The following INSYN2A variants were observed in gnomAD, a reference collection of about 807,000 sequenced individuals.
INSYN2A encodes inhibitory synaptic factor 2A.
In INSYN2A, 17 loss-of-function variants were observed where a neutral mutation model predicts 39.4. The observed-to-expected ratio is 0.43, with a 90% CI of 0.30 to 0.65. The LOEUF is 0.65. Among genes scored for constraint, INSYN2A ranks in the 30% least tolerant of loss-of-function variants. INSYN2A has a pLI of 0.14. For synonymous variants in INSYN2A, 255 were observed against 265.7 expected (o/e 0.96, Z 0.39); for missense variants, 595 against 631.2 (o/e 0.94, Z 0.61).
rs1289297939 is a variant in INSYN2A, at chr10:127,175,448, G to A, written c.948C>T (p.Pro316=). 2.5e-6 allele frequency: 4 copies of A among 1,611,692 alleles called. No homozygotes were observed. Among genetic ancestry groups the A allele is most frequent in the Middle Eastern group, 1.6e-4 (1 of 6,062 alleles). ...TCTGCGACGGCTGCTCACTACATTC[G>A]GGGGACAGGCACTGCATCGGGGGTG... The part of the protein sequence containing the change: ...ACSPPMQCLS[P]ECSEQPSQTH... The change falls in exon 4 of 6, where the codon CCC becomes CCT. Residue 316 remains proline, a synonymous_variant. Coordinates refer to ENST00000522781, the MANE Select transcript of INSYN2A (RefSeq NM_001039762.3). This position sits in a 1 kb window ranked among gnomAD's most constrained non-coding sequence, Gnocchi z 6.3.
At chr10:127,190,057 A>G (rs760177566) in intron 2 of INSYN2A, among the ~76,000 whole-genome samples, 1 of 152,210 alleles carries the variant, frequency 6.6e-6, no homozygotes, top group Non-Finnish European at 1.5e-5. Flanking sequence ...TTTGGGTTAT[A>G]AGAACATTAA....
chr10:127,140,330 C>T (rs1369829490), intron 5 of INSYN2A, among the ~76,000 whole-genome samples: 1 of 152,124 alleles, frequency 6.6e-6, no homozygotes, highest in Admixed American at 6.5e-5. Context: ...GTTTGCACTC[C>T]CCATTATGCT....
At chr10:127,152,788 G>C (rs1182994968) in intron 5 of INSYN2A, among the ~76,000 whole-genome samples, 1 of 152,174 alleles carries the variant, frequency 6.6e-6, no homozygotes, top group Non-Finnish European at 1.5e-5. Flanking sequence ...TGTGGCCTTC[G>C]GTGCCTATCT....
intron 5 of INSYN2A, among the ~76,000 whole-genome samples, chr10:127,150,278 G>T (rs995366470): frequency 6.6e-6 from 1 of 152,146 alleles, no homozygotes; most frequent in Non-Finnish European, 1.5e-5. Flanking sequence ...ACATTTGGGG[G>T]TGACTCACAG....
intron 4 of INSYN2A, 58 bp from the exon 5 acceptor site, chr10:127,153,981 A>T: frequency 2.4e-6 from 3 of 1,250,980 alleles, no homozygotes; most frequent in Non-Finnish European, 3.5e-6. Context: ...CTGGCTTTAT[A>T]GAGCAGATGC....
At chr10:127,140,965 T>A (rs2051183783) in intron 5 of INSYN2A, among the ~76,000 whole-genome samples, 1 of 152,196 alleles carries the variant, frequency 6.6e-6, no homozygotes, top group Admixed American at 6.5e-5. Flanking sequence ...TGGCTCTTGC[T>A]TCAGCTTCCC....
At chr10:127,144,635 A>G (rs781677620) in intron 5 of INSYN2A, among the ~76,000 whole-genome samples, 13 of 152,232 alleles carry the variant, frequency 8.5e-5, no homozygotes, top group Non-Finnish European at 1.6e-4. Flanking sequence ...TATTCTGTCT[A>G]TAGAATTTGT....
chr10:127,149,270 GC>G (rs2052228794), intron 5 of INSYN2A, among the ~76,000 whole-genome samples: 1 of 152,054 alleles, frequency 6.6e-6, no homozygotes, highest in African/African-American at 2.4e-5. Context: ...AAGAGAGAGG[GC>G]AGAGAAGCTC....
intron 2 of INSYN2A, among the ~76,000 whole-genome samples, chr10:127,186,504 A>C (rs1298817912): frequency 1.7e-3 from 15 of 9,010 alleles, no homozygotes; most frequent in South Asian, 6.0e-3. Flanking sequence ...CATGGGAGAA[A>C]CCGCCCCCCC....
chr10:127,182,204 G>A (rs2133977624), intron 2 of INSYN2A, among the ~76,000 whole-genome samples: 1 of 152,294 alleles, frequency 6.6e-6, no homozygotes, highest in East Asian at 1.9e-4. Flanking sequence ...GGGAAAAGGG[G>A]CACTCACAGA....
At chr10:127,151,288 C>T (rs2052462011) in intron 5 of INSYN2A, among the ~76,000 whole-genome samples, 1 of 152,126 alleles carries the variant, frequency 6.6e-6, no homozygotes, top group Admixed American at 6.6e-5. Context: ...TCTTGAGTTT[C>T]ACACTAGTTT....
intron 5 of INSYN2A, among the ~76,000 whole-genome samples, chr10:127,141,871 A>G (rs1170071454): frequency 3.9e-5 from 6 of 152,156 alleles, no homozygotes; most frequent in African/African-American, 1.2e-4. Flanking sequence ...GCCTGGTTCT[A>G]TTCTATCAGA....
In INSYN2A at chr10:127,135,678, AG is replaced by A. The variant is rs1751943559; in HGVS notation, c.*2158del. The A allele has an allele frequency of 2.0e-5, 3 of 152,630 alleles. No homozygotes were observed. The highest frequency in any genetic ancestry group is 7.2e-5 in the African/African-American group (3 of 41,456). 9.5% of individuals were successfully genotyped at this position (152,630 alleles called of 1,614,324 possible). On this transcript the variant is annotated 3_prime_UTR_variant, in exon 6 of 6. Coordinates refer to ENST00000522781, the MANE Select transcript of INSYN2A (RefSeq NM_001039762.3). ...CTATTTTGAACACACTTTAATTTTT[AG>A]GGATGAATTAATTTATCTTCAGAAG...
Position 127,176,031 on chromosome 10 carries a change from C to A in INSYN2A, c.365G>T (p.Arg122Leu). The part of the protein sequence containing the change: ...KKCYQTFPLD[R>L]KKGNLKSLPA... ...GAGGCTTTTGAGGTTCCCCTTTTTG[C>A]GGTCCAGAGGGAACGTCTGGTAACA... Residue 122 changes from arginine (R) to leucine (L), a missense_variant, in exon 4 of 6, where the codon CGC becomes CTC. Arg to Leu is a moderately radical substitution (Grantham distance 102). Coordinates refer to ENST00000522781, the MANE Select transcript of INSYN2A (RefSeq NM_001039762.3). This position sits in a 1 kb window ranked among gnomAD's most constrained non-coding sequence, Gnocchi z 4.4. 1.2e-5 allele frequency: 19 copies of A among 1,614,072 alleles called. No individual in the cohort carries two copies. The highest frequency in any genetic ancestry group is 1.6e-5 in the Non-Finnish European group (19 of 1,180,004).
At chr10:127,183,149 T>C (rs2055897506) in intron 2 of INSYN2A, among the ~76,000 whole-genome samples, 1 of 150,922 alleles carries the variant, frequency 6.6e-6, no homozygotes, top group Non-Finnish European at 1.5e-5. Flanking sequence ...AACTAGGACA[T>C]TGATTTTTTC....
Position 127,175,578 on chromosome 10 carries a change from G to C in INSYN2A, c.818C>G (p.Ser273Cys), listed in dbSNP as rs1410329087. Residue 273 changes from serine to cysteine, a missense_variant, in exon 4 of 6, where the codon TCT becomes TGT. Coordinates refer to ENST00000522781, the MANE Select transcript of INSYN2A (RefSeq NM_001039762.3). The surrounding 1 kb of genome is among the most constrained non-coding windows in gnomAD (Gnocchi z 6.3). Reference sequence around the variant, plus strand: ...GAGTGACCACTGGCTGGCGGCTGCAGAGTCTGACAAACCAGGCTCGGGGGC... The same window carrying C: ...GAGTGACCACTGGCTGGCGGCTGCACAGTCTGACAAACCAGGCTCGGGGGC... ...ARAPEPGLSD[S>C]AAASQWSLCP... is the part of the protein sequence containing the mutation. 6.2e-7 allele frequency: 1 copy of C among 1,612,086 alleles called. No individual in the cohort carries two copies. Among genetic ancestry groups the C allele is most frequent in the East Asian group, 2.2e-5 (1 of 44,878 alleles).
intron 5 of INSYN2A, 100 bp downstream of exon 5, chr10:127,153,752 A>G (rs2052741963): frequency 2.2e-6 from 2 of 906,744 alleles, no homozygotes. Flanking sequence ...TTTGTCTGAT[A>G]GAATCATCCC....
At chr10:127,184,775 C>T (rs370772438) in intron 2 of INSYN2A, among the ~76,000 whole-genome samples, 27 of 152,290 alleles carry the variant, frequency 1.8e-4, no homozygotes, top group Middle Eastern at 3.4e-3. Context: ...TCCAGGACCG[C>T]GCCCTGGTCC....
intron 4 of INSYN2A, among the ~76,000 whole-genome samples, chr10:127,159,841 G>A (rs1056344419): frequency 1.3e-5 from 2 of 152,122 alleles, no homozygotes; most frequent in African/African-American, 4.8e-5. Flanking sequence ...CCTGAGAGCC[G>A]CACCATGGCC....
Sources: gnomAD v4.1 joint callset for allele counts (sites outside exome capture counted in the v4.1 genomes callset) on GRCh38, gnomAD v4.1.1 for gene constraint, Gnocchi (gnomAD v3.1) non-coding constraint, MANE v1.5 for transcripts, NCBI Gene and HGNC (gene_info 2026-07-23, HGNC 2026-07-21) for gene names.